The following SLC16A10 variants were observed in gnomAD, a reference collection of about 807,000 sequenced individuals.
SLC16A10 encodes the protein monocarboxylate transporter 10.
A neutral mutation model predicts 40.0 loss-of-function variants in SLC16A10; 27 were observed. The ratio of observed to expected loss-of-function variants is 0.67; its 90% CI spans 0.50 to 0.93. The LOEUF is 0.93. Ranked by LOEUF, SLC16A10 falls within the 40% of genes least tolerant of loss-of-function variation. SLC16A10 has a pLI of 0.00. For missense variants in SLC16A10, 529 were observed against 658.2 expected (o/e 0.80, Z 2.15); for synonymous variants, 213 against 249.8 (o/e 0.85, Z 1.39).
intron 1 of SLC16A10, among the ~76,000 whole-genome samples, chr6:111,116,153 A>G (rs1301008871): frequency 6.6e-6 from 1 of 152,194 alleles, no homozygotes; most frequent in African/African-American, 2.4e-5. Flanking sequence ...TAAGAAAGAA[A>G]AAGCTAAATG....
At chr6:111,165,928 A>G (rs1234893885) in intron 1 of SLC16A10, among the ~76,000 whole-genome samples, 1 of 152,206 alleles carries the variant, frequency 6.6e-6, no homozygotes. Context: ...TCAAGCTCCC[A>G]AGGACATAAA....
At chr6:111,201,158 C>T (rs780066566) in intron 3 of SLC16A10, among the ~76,000 whole-genome samples, 8 of 152,170 alleles carry the variant, frequency 5.3e-5, no homozygotes, top group African/African-American at 7.2e-5. Context: ...CTTTCCAGTT[C>T]GATGATGTGT....
intron 1 of SLC16A10, among the ~76,000 whole-genome samples, chr6:111,109,470 T>C (rs567224981): frequency 1.1e-3 from 174 of 152,028 alleles, no homozygotes; most frequent in Admixed American, 2.8e-3. Flanking sequence ...TTTTTTTTTT[T>C]TCGAGACAGA....
chr6:111,198,226 C>A (rs1485980003), intron 3 of SLC16A10, among the ~76,000 whole-genome samples: 3 of 152,092 alleles, frequency 2.0e-5, no homozygotes, highest in Non-Finnish European at 1.5e-5. Flanking sequence ...GCAGAGGTTG[C>A]AGTGAACTGA....
chr6:111,087,822 C>A lies in SLC16A10; in HGVS notation c.70C>A (p.Pro24Thr), dbSNP rs1770895203. 1 of 1,334,992 alleles carries A rather than the reference C, an allele frequency of 7.5e-7. No homozygotes were observed. The highest frequency in any genetic ancestry group is 1.6e-5 in the African/African-American group (1 of 64,442). 82.7% of individuals were successfully genotyped at this position (1,334,992 alleles called of 1,614,324 possible). ...CGAGGCGCAGCCGCTCGGCCCCGCGCCCACGGGGGCCGCTCCGCCGCCCGG... is the reference window on the plus strand; with the variant it reads ...CGAGGCGCAGCCGCTCGGCCCCGCGACCACGGGGGCCGCTCCGCCGCCCGG... ...TSEAQPLGPAPTGAAPPPGPG... is the reference protein window; with the variant it reads ...TSEAQPLGPATTGAAPPPGPG... The change falls in exon 1 of 6, where the codon CCC (proline) becomes ACC (threonine). Residue 24 changes from proline (P) to threonine (T), a missense_variant. Pro to Thr is a conservative substitution (Grantham distance 38). Transcript: ENST00000368851.
intron 3 of SLC16A10, among the ~76,000 whole-genome samples, chr6:111,205,383 T>C (rs562091915): frequency 6.6e-6 from 1 of 152,262 alleles, no homozygotes; most frequent in Admixed American, 6.5e-5. Flanking sequence ...ACGGTGATTG[T>C]CAGGCATTAT....
chr6:111,087,738 G>A lies in SLC16A10; in HGVS notation c.-15G>A, dbSNP rs935669818. ...CCTCGCGCTTCTCCGGCGCCTGAGG[G>A]GCCCGCCTCGGGCCATGGTGCTCTC... On this transcript the variant is annotated 5_prime_UTR_variant, in exon 1 of 6. Coordinates refer to ENST00000368851, the MANE Select transcript of SLC16A10 (RefSeq NM_018593.5). 3 of 1,202,268 alleles carry A rather than the reference G, an allele frequency of 2.5e-6. No homozygotes were observed. Among genetic ancestry groups the A allele is most frequent in the African/African-American group, 1.6e-5 (1 of 63,108 alleles). 74.5% of individuals were successfully genotyped at this position (1,202,268 alleles called of 1,614,324 possible). A position where few individuals can be genotyped will look rare whatever the true frequency, so the allele number is the denominator to read the frequency against.
intron 5 of SLC16A10, 71 bp downstream of exon 5, chr6:111,219,113 C>G: frequency 7.5e-7 from 1 of 1,332,748 alleles, no homozygotes; most frequent in South Asian, 1.3e-5. Flanking sequence ...AATTAAGTCT[C>G]ATTTATATGT....
intron 3 of SLC16A10, among the ~76,000 whole-genome samples, chr6:111,200,259 G>T (rs1353414511): frequency 6.6e-6 from 1 of 152,152 alleles, no homozygotes; most frequent in African/African-American, 2.4e-5. Context: ...GGCAAGCAAA[G>T]AAATTTTTCT....
At position 111,133,742 on chromosome 6, in the gene SLC16A10, A is replaced by AC. The variant is rs958362740; in HGVS notation, c.344-38947dup. 4.6e-5 allele frequency among the ~76,000 whole-genome samples: 7 copies of AC among 151,948 alleles called. No homozygotes were observed. The South Asian group carries it at 8.3e-4, about 18-fold the overall frequency. ...CTGACTCCTTCCCCAACTAATAAGG[A>AC]CCCCCCTTTCAACCCAAACAGTCCA... is the stretch of plus-strand genomic sequence containing the variant. On this transcript the variant is annotated intron_variant, in intron 1 of 5. Coordinates refer to ENST00000368851, the MANE Select transcript of SLC16A10 (RefSeq NM_018593.5).
chr6:111,100,990 CTCTATA>C (rs1276401486), intron 1 of SLC16A10, among the ~76,000 whole-genome samples: 710 of 70,900 alleles, frequency 0.01, 1 homozygote, highest in African/African-American at 0.021. Flanking sequence ...CTCTCTCTCT[CTCTATA>C]TATATATATA....
At chr6:111,215,964 C>T (rs11967882) in intron 4 of SLC16A10, among the ~76,000 whole-genome samples, 1 of 152,102 alleles carries the variant, frequency 6.6e-6, no homozygotes, top group Admixed American at 6.5e-5. Context: ...CCACTGCATT[C>T]CAGCCTGGGC....
At chr6:111,201,259 G>C (rs936087171) in intron 3 of SLC16A10, among the ~76,000 whole-genome samples, 3 of 152,172 alleles carry the variant, frequency 2.0e-5, no homozygotes, top group South Asian at 2.1e-4. Flanking sequence ...ATCTCCCAAA[G>C]AGCATAGTTA....
Position 111,222,120 on chromosome 6 carries a change from G to A in SLC16A10, c.1433G>A (p.Arg478Lys), listed in dbSNP as rs1182122206. ...CCGTGGATCCATAGTAAGAAGCAAA[G>A]AGAGATCAGTAAAACCACTGGAAAA... The part of the protein sequence containing the change: ...FIPWIHSKKQ[R>K]EISKTTGKEK... Residue 478 changes from arginine to lysine, a missense_variant, in exon 6 of 6, where the codon AGA (arginine) becomes AAA (lysine). Arg to Lys is a conservative substitution (Grantham distance 26, BLOSUM62 2). Coordinates refer to ENST00000368851, the MANE Select transcript of SLC16A10 (RefSeq NM_018593.5). 1 of 1,609,424 alleles carries A rather than the reference G, an allele frequency of 6.2e-7. No individual in the cohort carries two copies. Among genetic ancestry groups the A allele is most frequent in the South Asian group, 1.1e-5 (1 of 90,098 alleles).
At chr6:111,151,571 G>A (rs908425242) in intron 1 of SLC16A10, among the ~76,000 whole-genome samples, 19 of 152,158 alleles carry the variant, frequency 1.2e-4, no homozygotes, top group African/African-American at 3.9e-4. Context: ...TGAGCATTCT[G>A]TTCTTCAAAC....
rs533759331 is a variant in SLC16A10 at position 111,163,176 on chromosome 6, G to A, written c.344-9519G>A. 1.1e-4 allele frequency among the ~76,000 whole-genome samples: 14 copies of A among 130,020 alleles called. No homozygotes were observed. In the South Asian group the frequency reaches 1.5e-3, roughly 14 times the overall value. The allele number at this position is 130,020 out of a possible 152,430, so 85.3% of individuals were successfully genotyped here. On this transcript the variant is annotated intron_variant, in intron 1 of 5. Coordinates refer to ENST00000368851, the MANE Select transcript of SLC16A10 (RefSeq NM_018593.5). The stretch of plus-strand genomic sequence containing the variant: ...TTTTTTTTTTTTTTTTTTTTGAGAC[G>A]GAGTCTCGCTCTGTCGCCCAGGCTG...
chr6:111,111,650 G>A (rs9320359), intron 1 of SLC16A10, among the ~76,000 whole-genome samples: 8,685 of 152,144 alleles, frequency 0.057, 742 homozygotes, highest in African/African-American at 0.19. Flanking sequence ...ACCAACGTCT[G>A]CCCATTTCCC....
At chr6:111,119,900 T>G (rs1214435892) in intron 1 of SLC16A10, among the ~76,000 whole-genome samples, 1 of 152,256 alleles carries the variant, frequency 6.6e-6, no homozygotes, top group Non-Finnish European at 1.5e-5. Flanking sequence ...TTCAAGTATT[T>G]TATGTATCCA....
chr6:111,149,908 A>C (rs1052228993), intron 1 of SLC16A10, among the ~76,000 whole-genome samples: 3 of 152,202 alleles, frequency 2.0e-5, no homozygotes, highest in Non-Finnish European at 2.9e-5. Context: ...GAGGGTGCTC[A>C]CCTCAAATTC....
Sources: gnomAD v4.1 joint callset for allele counts (sites outside exome capture counted in the v4.1 genomes callset) on GRCh38, gnomAD v4.1.1 for gene constraint, MANE v1.5 for transcripts, NCBI Gene and HGNC (gene_info 2026-07-23, HGNC 2026-07-21) for gene names.